PSMD1: variants seen among roughly 807,000 people sequenced by gnomAD.
PSMD1 encodes the protein proteasome 26S subunit, non-ATPase 1, also known as 26S proteasome non-ATPase regulatory subunit 1.
In PSMD1, 18 loss-of-function variants were observed where a neutral mutation model predicts 119.0. The observed-to-expected ratio is 0.15, with a 90% CI of 0.10 to 0.22. The LOEUF is 0.22. Among genes scored for constraint, PSMD1 ranks in the 10% least tolerant of loss-of-function variants. The pLI, the probability that PSMD1 is intolerant of heterozygous loss-of-function variation, is 1.00. For missense variants in PSMD1, 702 were observed against 1,158.5 expected (o/e 0.61, Z 5.72); for synonymous variants, 374 against 396.6 (o/e 0.94, Z 0.68).
intron 16 of PSMD1, among the ~76,000 whole-genome samples, chr2:231,105,583 C>A (rs1338570123): frequency 1.3e-5 from 2 of 151,774 alleles, no homozygotes; most frequent in Non-Finnish European, 2.9e-5. Context: ...TGGTCCCTTG[C>A]AGGGTGCTAT....
At position 231,077,097 on chromosome 2, in the gene PSMD1, G is replaced by A. The variant is rs78959779; in HGVS notation, c.1006G>A (p.Glu336Lys). ...IKILSGEMAI[E>K]LHLQFLIRNN... ...AATTTTAAGTGGTGAAATGGCTATT[G>A]AGTTACATCTGCAGTTCTTAATACG... Residue 336 changes from glutamate (E) to lysine (K), a missense_variant, in exon 9 of 25, where the codon GAG becomes AAG. Coordinates refer to ENST00000308696, the MANE Select transcript of PSMD1 (RefSeq NM_002807.4). The A allele has an allele frequency of 6.2e-7, 1 of 1,600,214 alleles. No individual in the cohort carries two copies. The highest frequency in any genetic ancestry group is 1.7e-5 in the Admixed American group (1 of 59,168).
At chr2:231,171,271 A>G (rs956892592) in intron 24 of PSMD1, among the ~76,000 whole-genome samples, 2 of 152,200 alleles carry the variant, frequency 1.3e-5, no homozygotes, top group Non-Finnish European at 2.9e-5. Flanking sequence ...GTGCTATTGA[A>G]TATCTACTGT....
chr2:231,153,494 T>G, intron 18 of PSMD1, 70 bp from the exon 19 acceptor site: 1 of 1,068,256 alleles, frequency 9.4e-7, no homozygotes, highest in Non-Finnish European at 1.4e-6. Flanking sequence ...GGAGCAATAT[T>G]ATTCCCTGTT....
intron 7 of PSMD1, 110 bp from the exon 8 acceptor site, chr2:231,075,401 T>C: frequency 2.2e-6 from 2 of 928,684 alleles, no homozygotes; most frequent in Admixed American, 2.4e-5. Flanking sequence ...GGTAATACTT[T>C]AGTAAACATT....
chr2:231,129,810 G>C (rs1205279903), intron 16 of PSMD1, among the ~76,000 whole-genome samples: 1 of 152,252 alleles, frequency 6.6e-6, no homozygotes, highest in Non-Finnish European at 1.5e-5. Flanking sequence ...ATTCAAAAAA[G>C]CATAATATAT....
At chr2:231,090,601 C>A (rs1430802868) in intron 16 of PSMD1, among the ~76,000 whole-genome samples, 1 of 152,256 alleles carries the variant, frequency 6.6e-6, no homozygotes, top group Non-Finnish European at 1.5e-5. Context: ...TGCCATAAAA[C>A]GTGATTCCTC....
At chr2:231,143,885 T>G (rs1696190067) in intron 17 of PSMD1, among the ~76,000 whole-genome samples, 1 of 152,356 alleles carries the variant, frequency 6.6e-6, no homozygotes, top group African/African-American at 2.4e-5. Context: ...TCACTTGTGG[T>G]CTTAGGAAGT....
At chr2:231,091,232 C>T (rs764595122) in intron 16 of PSMD1, among the ~76,000 whole-genome samples, 1 of 152,156 alleles carries the variant, frequency 6.6e-6, no homozygotes, top group Admixed American at 6.5e-5. Context: ...AGAGAGCAGT[C>T]CTGCACACGA....
At chr2:231,102,391 T>A (rs756644641) in intron 16 of PSMD1, among the ~76,000 whole-genome samples, 1 of 152,194 alleles carries the variant, frequency 6.6e-6, no homozygotes, top group Non-Finnish European at 1.5e-5. Flanking sequence ...ACTCTTACAC[T>A]GTCGAAAATT....
At chr2:231,130,601 G>T (rs1695832360) in intron 16 of PSMD1, among the ~76,000 whole-genome samples, 1 of 152,142 alleles carries the variant, frequency 6.6e-6, no homozygotes, top group African/African-American at 2.4e-5. Flanking sequence ...GAGACTACAG[G>T]CATGCACCTC....
chr2:231,060,728 C>T (rs1693735882), intron 1 of PSMD1, among the ~76,000 whole-genome samples: 1 of 152,176 alleles, frequency 6.6e-6, no homozygotes, highest in Non-Finnish European at 1.5e-5. Flanking sequence ...AATATACACA[C>T]CTTGAAATAA....
chr2:231,062,235 T>C lies in PSMD1; in HGVS notation c.61-13T>C, dbSNP rs2288149. The C allele has an allele frequency of 3.1e-3, 5,024 of 1,599,662 alleles. 28 individuals carry two copies. The highest frequency in any genetic ancestry group is 0.024 in the East Asian group (1,092 of 44,784). The stretch of plus-strand genomic sequence containing the variant: ...AGTCTATCTCAAAATAGGATTTTGG[T>C]TATCTTTTACAGGAATTTGCACTAC... On this transcript the variant is annotated splice_polypyrimidine_tract_variant and intron_variant, in intron 2 of 24. Transcript: ENST00000308696.
In PSMD1 at chr2:231,165,304, G is replaced by A. The variant is rs111407297; in HGVS notation, c.2568+18G>A. On this transcript the variant is annotated intron_variant, in intron 22 of 24. Transcript: ENST00000308696. Reference sequence around the variant, plus strand: ...TGGAAGTGGTAGGTATAAATTGGTGGTCATATGGATTGAAGTATCTCTGTC... The same window carrying A: ...TGGAAGTGGTAGGTATAAATTGGTGATCATATGGATTGAAGTATCTCTGTC... 159 of 1,576,964 alleles carry A rather than the reference G, an allele frequency of 1.0e-4. 1 individual carries two copies. In the African/African-American group the frequency reaches 2.0e-3, roughly 20 times the overall value.
chr2:231,138,024 C>T (rs1237434380), intron 16 of PSMD1, among the ~76,000 whole-genome samples: 3 of 152,156 alleles, frequency 2.0e-5, no homozygotes, highest in Admixed American at 6.5e-5. Context: ...TACCAGCCTT[C>T]CAGAAGCTCT....
intron 21 of PSMD1, 38 bp from the exon 22 acceptor site, chr2:231,165,161 GT>G (rs781104904): frequency 6.6e-7 from 1 of 1,521,520 alleles, no homozygotes; most frequent in South Asian, 1.3e-5. Flanking sequence ...TTGTATGTCA[GT>G]AAGGGATTAC....
intron 17 of PSMD1, among the ~76,000 whole-genome samples, chr2:231,144,817 TC>T (rs1447099775): frequency 6.6e-6 from 1 of 152,204 alleles, no homozygotes; most frequent in Non-Finnish European, 1.5e-5. Context: ...TTTCTATCTC[TC>T]AGTTTCTTTG....
rs147280836 is a variant in PSMD1 at position 231,059,574 on chromosome 2, A to C, written c.17-1693A>C. On this transcript the variant is annotated intron_variant, in intron 1 of 24. Coordinates refer to ENST00000308696, the MANE Select transcript of PSMD1 (RefSeq NM_002807.4). ...TTTCTTTTTTAAACATAATACAGAC[A>C]CATAAAGGAAAGTTGTGCTAAAAAG... is the stretch of plus-strand genomic sequence containing the variant. Among the ~76,000 whole-genome samples, 885 of 152,304 alleles carry C rather than the reference A, an allele frequency of 5.8e-3. 3 individuals carry two copies. The highest frequency in any genetic ancestry group is 0.016 in the South Asian group (76 of 4,820).
chr2:231,119,051 T>C (rs1695441938), intron 16 of PSMD1, among the ~76,000 whole-genome samples: 1 of 152,228 alleles, frequency 6.6e-6, no homozygotes, highest in African/African-American at 2.4e-5. Context: ...TTCACTACAT[T>C]TGAGCATATG....
chr2:231,106,758 AAG>A (rs1694987096), intron 16 of PSMD1, among the ~76,000 whole-genome samples: 1 of 152,214 alleles, frequency 6.6e-6, no homozygotes, highest in Non-Finnish European at 1.5e-5. Flanking sequence ...AGCATGTGAG[AAG>A]ATAGTTCTTT....
Sources: allele counts gnomAD v4.1 joint callset (sites outside exome capture counted in the v4.1 genomes callset), GRCh38; gene constraint gnomAD v4.1.1; transcripts MANE v1.5; gene names NCBI Gene and HGNC (gene_info 2026-07-23, HGNC 2026-07-21).